Variants in RHBDD1 observed in about 807,000 individuals in gnomAD.
RHBDD1 encodes the protein rhomboid domain containing 1, also known as rhomboid-related protein 4.
Under a neutral mutation model 36.3 loss-of-function variants are expected in RHBDD1, and 38 were observed. The observed-to-expected ratio is 1.05, with a 90% CI of 0.81 to 1.37. RHBDD1 has a LOEUF of 1.37. RHBDD1 is among the 40% of genes most tolerant of loss of function. The probability of loss-of-function intolerance (pLI) is 0.00; values close to 1 mark genes in which losing one functional copy is unlikely to be tolerated. For missense variants in RHBDD1, 393 were observed against 377.6 expected (o/e 1.04, Z -0.34); for synonymous variants, 151 against 136.5 (o/e 1.11, Z -0.74).
chr2:226,910,708 A>G lies in RHBDD1; in HGVS notation c.712+1830A>G, dbSNP rs142856249. 2.1e-3 allele frequency among the ~76,000 whole-genome samples: 315 copies of G among 152,232 alleles called. 4 individuals are homozygous for G. The highest frequency in any genetic ancestry group is 7.3e-3 in the African/African-American group (302 of 41,574). On this transcript the variant is annotated intron_variant, in intron 7 of 8. Transcript: ENST00000392062. ...AAACTAGTATTCCTCTCAGGACATA[A>G]TTTAAATTTATTTATCTTAATTGTT...
At chr2:226,990,240 C>CGGA (rs1426854043) in intron 8 of RHBDD1, among the ~76,000 whole-genome samples, 5 of 152,120 alleles carry the variant, frequency 3.3e-5, no homozygotes, top group South Asian at 2.1e-4. Context: ...ACTTAACAAC[C>CGGA]ATCCTTTCAG....
intron 8 of RHBDD1, among the ~76,000 whole-genome samples, chr2:226,938,846 A>C (rs576569147): frequency 6.6e-6 from 1 of 152,352 alleles, no homozygotes; most frequent in African/African-American, 2.4e-5. Flanking sequence ...TTTTAGGCCA[A>C]TATCTTTGAT....
intron 5 of RHBDD1, among the ~76,000 whole-genome samples, chr2:226,870,021 G>A (rs756555831): frequency 2.6e-5 from 4 of 152,146 alleles, no homozygotes; most frequent in Non-Finnish European, 5.9e-5. Flanking sequence ...GTGTGTTCTC[G>A]TCTGAGCCTT....
At chr2:226,965,636 C>G (rs1161227985) in intron 8 of RHBDD1, among the ~76,000 whole-genome samples, 1 of 152,006 alleles carries the variant, frequency 6.6e-6, no homozygotes, top group East Asian at 1.9e-4. Flanking sequence ...AGGTTTTTGG[C>G]CAAAACCACT....
chr2:226,930,856 A>G (rs1949987995), intron 8 of RHBDD1, among the ~76,000 whole-genome samples: 1 of 152,120 alleles, frequency 6.6e-6, no homozygotes, highest in South Asian at 2.1e-4. Flanking sequence ...AAAATAATAC[A>G]TACAAATGAC....
At chr2:226,946,310 T>C (rs1192915495) in intron 8 of RHBDD1, among the ~76,000 whole-genome samples, 1 of 152,172 alleles carries the variant, frequency 6.6e-6, no homozygotes, top group Non-Finnish European at 1.5e-5. Context: ...TAATCCATCT[T>C]GAGTTAATTT....
chr2:226,906,940 G>A, intron 6 of RHBDD1, 59 bp downstream of exon 6: 1 of 1,553,200 alleles, frequency 6.4e-7, no homozygotes, highest in Non-Finnish European at 8.9e-7. Flanking sequence ...TAATTTTAAT[G>A]TGAACAGAAG....
intron 8 of RHBDD1, among the ~76,000 whole-genome samples, chr2:226,990,223 G>C (rs1957879377): frequency 6.6e-6 from 1 of 152,132 alleles, no homozygotes; most frequent in Non-Finnish European, 1.5e-5. Context: ...GTCTTTGACG[G>C]TAAATGACTT....
chr2:226,995,213 G>C (rs558815775), intron 8 of RHBDD1, among the ~76,000 whole-genome samples: 2 of 152,200 alleles, frequency 1.3e-5, no homozygotes, highest in Non-Finnish European at 2.9e-5. Flanking sequence ...GCCTCAAAAT[G>C]AGTCAAATCA....
intron 6 of RHBDD1, among the ~76,000 whole-genome samples, chr2:226,907,361 C>T (rs992328147): frequency 4.6e-5 from 7 of 152,092 alleles, no homozygotes; most frequent in Admixed American, 3.9e-4. Flanking sequence ...CATGGCGAAA[C>T]CAAGTCTGTT....
the RHBDD1 span, among the ~76,000 whole-genome samples, chr2:226,824,905 A>C: frequency 6.6e-6 from 1 of 152,202 alleles, no homozygotes; most frequent in Non-Finnish European, 1.5e-5. Flanking sequence ...ATGTGCATAC[A>C]TGTGCGCAAA....
At chr2:226,852,166 GTTTCT>G (rs1942876315) in intron 3 of RHBDD1, among the ~76,000 whole-genome samples, 1 of 152,128 alleles carries the variant, frequency 6.6e-6, no homozygotes, top group Non-Finnish European at 1.5e-5. Flanking sequence ...TAACTTGACA[GTTTCT>G]TTTGGTGATT....
At position 226,914,191 on chromosome 2, in the gene RHBDD1, T is replaced by C. The variant is rs1440823848; in HGVS notation, c.713-17T>C. 6.2e-7 allele frequency: 1 copy of C among 1,612,634 alleles called. No homozygotes were observed. The highest frequency in any genetic ancestry group is 8.5e-7 in the Non-Finnish European group (1 of 1,179,236). Reference sequence around the variant, plus strand: ...AGTCCATAGCTGTGTTCTAGAACCTTTTCCTTGTGCCTTTAGGCAGCTCTG... The same window carrying C: ...AGTCCATAGCTGTGTTCTAGAACCTCTTCCTTGTGCCTTTAGGCAGCTCTG... On this transcript the variant is annotated splice_polypyrimidine_tract_variant and intron_variant, in intron 7 of 8. Transcript: ENST00000392062.
chr2:226,967,014 C>CA (rs1227933485), intron 8 of RHBDD1, among the ~76,000 whole-genome samples: 1 of 152,068 alleles, frequency 6.6e-6, no homozygotes, highest in Non-Finnish European at 1.5e-5. Context: ...GTCCCACTCT[C>CA]AGAGTTCATG....
At position 226,995,535 on chromosome 2, in the gene RHBDD1, G is replaced by A. The variant is rs1223785520; in HGVS notation, c.*13G>A. On this transcript the variant is annotated 3_prime_UTR_variant, in exon 9 of 9. Transcript: ENST00000392062. ...CGATAGCCAGTGAGGTGGCATCTTGGGAAGACATGGCCTATTCGTGTAATT... is the reference window on the plus strand; with the variant it reads ...CGATAGCCAGTGAGGTGGCATCTTGAGAAGACATGGCCTATTCGTGTAATT... The A allele has an allele frequency of 1.3e-6, 2 of 1,556,038 alleles. No homozygotes were observed. Among genetic ancestry groups the A allele is most frequent in the Non-Finnish European group, 1.8e-6 (2 of 1,130,244 alleles).
At chr2:226,963,120 G>A (rs1952345299) in intron 8 of RHBDD1, among the ~76,000 whole-genome samples, 1 of 152,082 alleles carries the variant, frequency 6.6e-6, no homozygotes, top group Non-Finnish European at 1.5e-5. Flanking sequence ...GATGTTGCCA[G>A]TTGTCTCCTG....
intron 7 of RHBDD1, among the ~76,000 whole-genome samples, chr2:226,910,233 T>C (rs1016267029): frequency 1.3e-5 from 2 of 152,198 alleles, no homozygotes; most frequent in East Asian, 3.8e-4. Context: ...TTCCTTCTTA[T>C]GTGGAAGAAG....
intron 5 of RHBDD1, among the ~76,000 whole-genome samples, chr2:226,883,915 C>G (rs376726001): frequency 6.6e-6 from 1 of 152,002 alleles, no homozygotes; most frequent in Non-Finnish European, 1.5e-5. Context: ...TATTTTGACT[C>G]GATTTTTTTT....
At chr2:226,873,112 T>C (rs1401196579) in intron 5 of RHBDD1, among the ~76,000 whole-genome samples, 1 of 152,116 alleles carries the variant, frequency 6.6e-6, no homozygotes, top group Non-Finnish European at 1.5e-5. Flanking sequence ...CACTTGAGAG[T>C]GCTGTGGGAC....
Sources: gnomAD v4.1 joint callset for allele counts (sites outside exome capture counted in the v4.1 genomes callset) on GRCh38, gnomAD v4.1.1 for gene constraint, MANE v1.5 for transcripts, NCBI Gene and HGNC (gene_info 2026-07-23, HGNC 2026-07-21) for gene names.